The following LGALS9 variants were observed in gnomAD, a reference collection of about 807,000 sequenced individuals.
The protein encoded by LGALS9 is galectin-9.
A neutral mutation model predicts 35.9 loss-of-function variants in LGALS9; 26 were observed. The ratio of observed to expected loss-of-function variants is 0.72; its 90% CI spans 0.53 to 1.01. The LOEUF is 1.01. Among genes scored for constraint, LGALS9 ranks in the 50% least tolerant of loss-of-function variants. The probability of loss-of-function intolerance (pLI) is 0.00; values close to 1 mark genes in which losing one functional copy is unlikely to be tolerated. For synonymous variants in LGALS9, 149 were observed against 172.2 expected, an observed-to-expected ratio of 0.87 and a Z score of 1.06; for missense variants, 347 against 445.8, an observed-to-expected ratio of 0.78 and a Z score of 1.99.
At chr17:27,648,670 G>A (rs1369652740) in intron 10 of LGALS9, among the ~76,000 whole-genome samples, 166 bp from the exon 11 acceptor site, 2 of 147,462 alleles carry the variant, frequency 1.4e-5, no homozygotes, top group African/African-American at 5.0e-5. Flanking sequence ...GAAAGAGCAC[G>A]CACAGCCTGT....
intron 1 of LGALS9, among the ~76,000 whole-genome samples, chr17:27,635,462 ATAAAT>A (rs2074438586): frequency 6.6e-6 from 1 of 151,322 alleles, no homozygotes; most frequent in Admixed American, 6.6e-5. Context: ...AAATAAATAA[ATAAAT>A]AAATAAATAA....
chr17:27,637,643 G>A (rs11080242), intron 1 of LGALS9, among the ~76,000 whole-genome samples: 1 of 152,144 alleles, frequency 6.6e-6, no homozygotes, highest in African/African-American at 2.4e-5. Context: ...CACGGCTACA[G>A]AAGGCATCTG....
chr17:27,633,536 T>C (rs1386548255), intron 1 of LGALS9, among the ~76,000 whole-genome samples: 2 of 152,318 alleles, frequency 1.3e-5, no homozygotes, highest in African/African-American at 2.4e-5. Flanking sequence ...GGCCTGGGTG[T>C]CCTCTGGTGA....
chr17:27,636,071 G>A (rs1453907540), intron 1 of LGALS9, among the ~76,000 whole-genome samples: 2 of 152,224 alleles, frequency 1.3e-5, no homozygotes, highest in East Asian at 3.8e-4. Context: ...GGGGAGCAGA[G>A]TCTAACTGAA....
At chr17:27,646,330 G>C (rs1598189293) in intron 7 of LGALS9, among the ~76,000 whole-genome samples, 1 of 152,280 alleles carries the variant, frequency 6.6e-6, no homozygotes, top group African/African-American at 2.4e-5. Context: ...CCTGCGGAGG[G>C]GTTGAGGGGC....
intron 2 of LGALS9, 123 bp from the exon 3 acceptor site, chr17:27,640,449 C>G (rs1228834803): frequency 1.4e-6 from 2 of 1,399,204 alleles, no homozygotes; most frequent in South Asian, 1.2e-5. Context: ...ACAAAGCAGT[C>G]TCTGCCATAC....
In LGALS9 at chr17:27,649,016, T is replaced by C. The variant is rs892749178; in HGVS notation, c.*34T>C. The stretch of plus-strand genomic sequence containing the variant: ...CTGGCCCTGGGGCCGGGGGCTGGGG[T>C]GTGGGGCAGTCTGGGTCCTCTCATC... On this transcript the variant is annotated 3_prime_UTR_variant, in exon 11 of 11. Transcript: ENST00000395473. The C allele has an allele frequency of 3.7e-6, 6 of 1,613,308 alleles. No homozygotes were observed. The highest frequency in any genetic ancestry group is 4.2e-6 in the Non-Finnish European group (5 of 1,179,632).
rs1904393937 is a variant in LGALS9, at chr17:27,640,588, C to T, written c.148C>T (p.Gln50Ter). ...TGGGCCTAGGTTTGCTGTGAACTTTCAGACTGGCTTCAGTGGAAATGACAT... is the reference window on the plus strand; with the variant it reads ...TGGGCCTAGGTTTGCTGTGAACTTTTAGACTGGCTTCAGTGGAAATGACAT... ...SSGTRFAVNF[Q>*]TGFSGNDIAF... The change falls in exon 3 of 11, where the codon CAG (glutamine) becomes TAG (stop). Residue 50 changes from glutamine (Q) to a stop codon, truncating the protein, a stop_gained. Coordinates refer to ENST00000395473, the MANE Select transcript of LGALS9 (RefSeq NM_009587.3). LOFTEE classifies it high-confidence loss of function. 4 of 1,614,114 alleles carry T rather than the reference C, an allele frequency of 2.5e-6. No homozygotes were observed. Among genetic ancestry groups the T allele is most frequent in the Non-Finnish European group, 3.4e-6 (4 of 1,179,938 alleles).
At chr17:27,641,345 G>A (rs1042443928) in intron 3 of LGALS9, among the ~76,000 whole-genome samples, 4 of 152,040 alleles carry the variant, frequency 2.6e-5, no homozygotes, top group Admixed American at 6.5e-5. Context: ...AAATAATACC[G>A]CTGCAGCCAT....
chr17:27,648,151 C>T (rs905622005), intron 10 of LGALS9, among the ~76,000 whole-genome samples: 29 of 152,262 alleles, frequency 1.9e-4, no homozygotes, highest in African/African-American at 6.5e-4. Context: ...TTATACTCTG[C>T]AGTCAGAGTT....
chr17:27,647,888 CAG>C (rs1226172242), intron 10 of LGALS9, among the ~76,000 whole-genome samples: 1 of 152,248 alleles, frequency 6.6e-6, no homozygotes, highest in Non-Finnish European at 1.5e-5. Flanking sequence ...CAGATTGTCA[CAG>C]ATAACGACAG....
At chr17:27,632,395 T>C (rs73985496) in intron 1 of LGALS9, among the ~76,000 whole-genome samples, 1,935 of 152,276 alleles carry the variant, frequency 0.013, 43 homozygotes, top group African/African-American at 0.044. Flanking sequence ...GCTGCCTACG[T>C]TCTGGTCTGC....
intron 1 of LGALS9, 97 bp downstream of exon 1, chr17:27,631,401 T>C: frequency 6.7e-7 from 1 of 1,489,986 alleles, no homozygotes. Context: ...GGGATGGGGG[T>C]GGGGGCATCC....
chr17:27,638,754 A>G (rs2074483069), intron 2 of LGALS9: 4 of 307,884 alleles, frequency 1.3e-5, no homozygotes, highest in East Asian at 1.8e-4. Context: ...GAAAATTGCC[A>G]TCAAAAGTAA....
intron 1 of LGALS9, 123 bp downstream of exon 1, chr17:27,631,427 C>A: frequency 7.6e-7 from 1 of 1,317,766 alleles, no homozygotes; most frequent in Non-Finnish European, 1.1e-6. Context: ...AGAACACAAG[C>A]AGGGCAGAAA....
At chr17:27,633,149 G>A (rs2074408798) in intron 1 of LGALS9, among the ~76,000 whole-genome samples, 1 of 152,186 alleles carries the variant, frequency 6.6e-6, no homozygotes, top group Non-Finnish European at 1.5e-5. Flanking sequence ...GTGGGTGCTG[G>A]GGTTCAAATC....
rs770435272 is a variant in LGALS9, at chr17:27,647,266, C to G, written c.759-4C>G. ...TAAAGGTTCAGGTGGGCTGCCCACC[C>G]CAGGTTCCACATCAACCTGTGCTCT... is the stretch of plus-strand genomic sequence containing the variant. On this transcript the variant is annotated splice_region_variant and splice_polypyrimidine_tract_variant and intron_variant, in intron 9 of 10. Transcript: ENST00000395473. 6 of 1,613,826 alleles carry G rather than the reference C, an allele frequency of 3.7e-6. No individual in the cohort carries two copies. Among genetic ancestry groups the G allele is most frequent in the Non-Finnish European group, 5.1e-6 (6 of 1,180,034 alleles).
chr17:27,639,270 G>T (rs529004200), intron 2 of LGALS9, among the ~76,000 whole-genome samples: 2 of 152,172 alleles, frequency 1.3e-5, no homozygotes, highest in African/African-American at 4.8e-5. Context: ...GGGAGGCCCC[G>T]ATCTCCCTGA....
At position 27,643,299 on chromosome 17, in the gene LGALS9, T is replaced by C. The variant is rs1464434571; in HGVS notation, c.445-226T>C. 2.0e-5 allele frequency among the ~76,000 whole-genome samples: 3 copies of C among 151,932 alleles called. No homozygotes were observed. The South Asian group carries it at 6.2e-4, about 32-fold the overall frequency. ...CTCTCATTCCCTCCTTCCCTGACTC[T>C]CTCCCCTGCGGGTGGTAGGGGAGGG... On this transcript the variant is annotated intron_variant, in intron 4 of 10. Transcript: ENST00000395473.
Sources: allele counts gnomAD v4.1 joint callset (sites outside exome capture counted in the v4.1 genomes callset), GRCh38; gene constraint gnomAD v4.1.1; transcripts MANE v1.5; gene names NCBI Gene and HGNC (gene_info 2026-07-23, HGNC 2026-07-21).